Variants in CAMKMT observed in about 807,000 individuals in gnomAD.
CAMKMT encodes the protein calmodulin-lysine N-methyltransferase, also known as CaM KMT.
Under a neutral mutation model 48.0 loss-of-function variants are expected in CAMKMT, and 53 were observed. That is an observed-to-expected ratio of 1.10 (90% confidence interval 0.89 to 1.39). CAMKMT has a LOEUF of 1.39. CAMKMT is among the 40% of genes most tolerant of loss of function. The pLI is 0.00. For synonymous variants in CAMKMT, 165 were observed against 152.3 expected (o/e 1.08, Z -0.61); for missense variants, 428 against 402.7 (o/e 1.06, Z -0.54).
intron 3 of CAMKMT, among the ~76,000 whole-genome samples, chr2:44,417,970 A>C (rs778697707): frequency 3.3e-5 from 5 of 152,170 alleles, no homozygotes; most frequent in African/African-American, 1.2e-4. Flanking sequence ...AGGCGGGTAG[A>C]TACCTGAGGT....
At chr2:44,703,071 G>A (rs967319663) in intron 3 of CAMKMT, among the ~76,000 whole-genome samples, 14 of 152,158 alleles carry the variant, frequency 9.2e-5, no homozygotes, top group Non-Finnish European at 2.9e-5. Context: ...CTTAGGAAGT[G>A]CAAGATGCCT....
chr2:44,367,991 A>G (rs1465974760), intron 1 of CAMKMT, among the ~76,000 whole-genome samples: 1 of 152,226 alleles, frequency 6.6e-6, no homozygotes, highest in African/African-American at 2.4e-5. Context: ...CAAACATTTC[A>G]GGTTAATAAA....
chr2:44,760,359 G>T (rs1314511783), intron 9 of CAMKMT, among the ~76,000 whole-genome samples: 3 of 152,056 alleles, frequency 2.0e-5, no homozygotes, highest in Non-Finnish European at 2.9e-5. Flanking sequence ...TGAGGTTAGG[G>T]TTGGGGAAGG....
intron 10 of CAMKMT, among the ~76,000 whole-genome samples, chr2:44,770,883 AC>A (rs998673671): frequency 2.6e-5 from 4 of 152,240 alleles, no homozygotes; most frequent in African/African-American, 9.6e-5. Flanking sequence ...GAATGAAGTC[AC>A]CTCAGTGACT....
At chr2:44,548,220 T>C (rs1435443284) in intron 3 of CAMKMT, among the ~76,000 whole-genome samples, 1 of 152,210 alleles carries the variant, frequency 6.6e-6, no homozygotes, top group Non-Finnish European at 1.5e-5. Flanking sequence ...CGAAGTCCCC[T>C]CCTGCCTCAT....
intron 3 of CAMKMT, among the ~76,000 whole-genome samples, chr2:44,588,303 A>AGGT (rs1670015724): frequency 1.2e-4 from 5 of 41,572 alleles, no homozygotes; most frequent in African/African-American, 4.4e-4. Flanking sequence ...TCCGGGAGGG[A>AGGT]GGGGGGGGGT....
chr2:44,364,208 T>C (rs1310886220), intron 1 of CAMKMT, among the ~76,000 whole-genome samples: 1 of 152,086 alleles, frequency 6.6e-6, no homozygotes, highest in Non-Finnish European at 1.5e-5. Context: ...AATTGCGGTC[T>C]AAATGAAAAC....
chr2:44,568,746 A>G (rs887809948), intron 3 of CAMKMT, among the ~76,000 whole-genome samples: 4 of 152,172 alleles, frequency 2.6e-5, no homozygotes, highest in Admixed American at 6.5e-5. Flanking sequence ...CATTGAAAGT[A>G]CAAAGCTGGG....
intron 9 of CAMKMT, among the ~76,000 whole-genome samples, chr2:44,754,912 G>A (rs1680304836): frequency 6.6e-6 from 1 of 151,696 alleles, no homozygotes; most frequent in South Asian, 2.1e-4. Flanking sequence ...TTTAAAATAG[G>A]TTAACAGTAT....
chr2:44,675,029 G>A (rs901255973), intron 3 of CAMKMT, among the ~76,000 whole-genome samples: 1 of 150,700 alleles, frequency 6.6e-6, no homozygotes, highest in Non-Finnish European at 1.5e-5. Flanking sequence ...CACTCTCCAC[G>A]AATTTCTTCT....
intron 3 of CAMKMT, among the ~76,000 whole-genome samples, chr2:44,559,280 C>G (rs573337481): frequency 9.9e-5 from 15 of 152,080 alleles, no homozygotes; most frequent in Non-Finnish European, 2.1e-4. Flanking sequence ...GGAACTCCTC[C>G]GAGAGCATCT....
intron 3 of CAMKMT, among the ~76,000 whole-genome samples, chr2:44,525,901 A>G (rs796551323): frequency 5.3e-5 from 8 of 152,006 alleles, no homozygotes; most frequent in African/African-American, 1.7e-4. Context: ...GTACATGTGC[A>G]CAATGTGCAG....
At chr2:44,754,253 G>A in intron 9 of CAMKMT, 135 bp downstream of exon 9, 1 of 667,552 alleles carries the variant, frequency 1.5e-6, no homozygotes, top group African/African-American at 1.8e-5. Context: ...ACTTCAATTG[G>A]GTCTTCTGAT....
chr2:44,403,378 G>A (rs1051779891), intron 3 of CAMKMT, among the ~76,000 whole-genome samples: 3 of 152,232 alleles, frequency 2.0e-5, no homozygotes, highest in African/African-American at 7.2e-5. Context: ...GACTAGACCC[G>A]AAGACATCTG....
At chr2:44,676,672 C>G (rs1013134166) in intron 3 of CAMKMT, 9 of 152,216 alleles carry the variant, frequency 5.9e-5, no homozygotes, top group African/African-American at 2.2e-4. Context: ...TAAGTCCCAG[C>G]CCAGCCACTC....
chr2:44,599,715 T>A (rs1670872372), intron 3 of CAMKMT, among the ~76,000 whole-genome samples: 1 of 151,986 alleles, frequency 6.6e-6, no homozygotes, highest in African/African-American at 2.4e-5. Flanking sequence ...CATTTTTAGC[T>A]ATTATTTTCT....
At chr2:44,549,019 TA>T (rs1449105754) in intron 3 of CAMKMT, among the ~76,000 whole-genome samples, 1 of 152,232 alleles carries the variant, frequency 6.6e-6, no homozygotes, top group African/African-American at 2.4e-5. Context: ...TATGCACCGA[TA>T]AAAAACTAAT....
At chr2:44,470,569 G>A (rs576688075) in intron 3 of CAMKMT, among the ~76,000 whole-genome samples, 1 of 152,256 alleles carries the variant, frequency 6.6e-6, no homozygotes, top group Admixed American at 6.5e-5. Context: ...GTTGTAGATT[G>A]TCAAGGGGGT....
intron 8 of CAMKMT, among the ~76,000 whole-genome samples, chr2:44,752,996 T>C (rs1200621693): frequency 6.6e-6 from 1 of 152,066 alleles, no homozygotes; most frequent in African/African-American, 2.4e-5. Context: ...GTCTCAAGCT[T>C]CCAAGATAAT....
Sources: gnomAD v4.1 joint callset for allele counts (sites outside exome capture counted in the v4.1 genomes callset) on GRCh38, gnomAD v4.1.1 for gene constraint, MANE v1.5 for transcripts, NCBI Gene and HGNC (gene_info 2026-07-23, HGNC 2026-07-21) for gene names.